KIF6: variants seen among roughly 807,000 people sequenced by gnomAD.
KIF6 encodes the protein kinesin-like protein KIF6.
KIF6 carries 106 observed loss-of-function variants against 112.7 expected under a neutral mutation model. The observed-to-expected ratio is 0.94, with a 90% CI of 0.80 to 1.11. The LOEUF is 1.11. Ranked by LOEUF, KIF6 falls within the 50% of genes least tolerant of loss-of-function variation. The pLI, the probability that KIF6 is intolerant of heterozygous loss-of-function variation, is 0.00. For missense variants in KIF6, 929 were observed against 964.0 expected, an observed-to-expected ratio of 0.96 and a Z score of 0.48; for synonymous variants, 339 against 339.9, an observed-to-expected ratio of 1.00 and a Z score of 0.03.
chr6:39,638,500 A>G (rs534240286), intron 4 of KIF6, among the ~76,000 whole-genome samples: 4 of 152,234 alleles, frequency 2.6e-5, no homozygotes, highest in South Asian at 4.1e-4. Flanking sequence ...TCCAACATAT[A>G]TGCTATACTC....
At chr6:39,711,432 C>T (rs1789554421) in intron 3 of KIF6, among the ~76,000 whole-genome samples, 1 of 152,098 alleles carries the variant, frequency 6.6e-6, no homozygotes, top group South Asian at 2.1e-4. Context: ...TATACCCAGT[C>T]AAATGGCTGG....
chr6:39,454,178 T>C (rs1488707384), intron 13 of KIF6, among the ~76,000 whole-genome samples: 2 of 152,064 alleles, frequency 1.3e-5, no homozygotes, highest in Admixed American at 1.3e-4. Context: ...AAACCTAAAC[T>C]TTAAGCTTCA....
intron 10 of KIF6, among the ~76,000 whole-genome samples, chr6:39,557,734 C>T (rs968228190): frequency 6.6e-6 from 1 of 151,654 alleles, no homozygotes; most frequent in African/African-American, 2.4e-5. Flanking sequence ...TATAGAAAGC[C>T]CATAGAACCT....
chr6:39,570,680 T>G (rs1780592088), intron 10 of KIF6, among the ~76,000 whole-genome samples: 1 of 152,112 alleles, frequency 6.6e-6, no homozygotes, highest in South Asian at 2.1e-4. Flanking sequence ...GCTGTTCTCT[T>G]GATAATGAGT....
intron 3 of KIF6, among the ~76,000 whole-genome samples, chr6:39,678,201 G>A (rs561537831): frequency 5.3e-5 from 8 of 151,730 alleles, no homozygotes; most frequent in Non-Finnish European, 1.2e-4. Flanking sequence ...TACACTGTTG[G>A]TGGGACTGTA....
At chr6:39,720,644 G>A in intron 2 of KIF6, 58 bp downstream of exon 2, 1 of 888,034 alleles carries the variant, frequency 1.1e-6, no homozygotes, top group Non-Finnish European at 1.9e-6. Flanking sequence ...TATTAATGCA[G>A]TACAAGAGTT....
At chr6:39,392,657 A>G (rs1197012634) in intron 15 of KIF6, among the ~76,000 whole-genome samples, 2 of 152,246 alleles carry the variant, frequency 1.3e-5, no homozygotes, top group Admixed American at 1.3e-4. Context: ...AATAAACCCT[A>G]GATGGGGTAA....
chr6:39,512,600 C>T (rs1299323270), intron 13 of KIF6, among the ~76,000 whole-genome samples: 2 of 152,148 alleles, frequency 1.3e-5, no homozygotes, highest in South Asian at 4.1e-4. Flanking sequence ...TCCCTTACTC[C>T]CTCTATGCTG....
At chr6:39,566,408 C>T (rs139237458) in intron 10 of KIF6, among the ~76,000 whole-genome samples, 2,287 of 152,252 alleles carry the variant, frequency 0.015, 31 homozygotes, top group Admixed American at 0.025. Context: ...TTAAAGGTTT[C>T]GGCAAACATC....
chr6:39,548,078 C>T (rs1779159651), intron 10 of KIF6, among the ~76,000 whole-genome samples: 2 of 152,146 alleles, frequency 1.3e-5, no homozygotes, highest in Non-Finnish European at 2.9e-5. Flanking sequence ...TTTCCAGAGT[C>T]CATAAAATTT....
rs569210745 is a variant in KIF6, at chr6:39,367,805, G to T, written c.1862-5287C>A. 1.1e-4 allele frequency among the ~76,000 whole-genome samples: 16 copies of T among 152,264 alleles called. No homozygotes were observed. The East Asian group carries it at 3.1e-3, about 29-fold the overall frequency. Reference sequence around the variant, plus strand: ...CGCTCTCTCTCCCACGCAGTTATCTGATATTTGAAATGTGCAGAATAGTTT... The same window carrying T: ...CGCTCTCTCTCCCACGCAGTTATCTTATATTTGAAATGTGCAGAATAGTTT... On this transcript the variant is annotated intron_variant, in intron 16 of 22. Coordinates refer to ENST00000287152, the MANE Select transcript of KIF6 (RefSeq NM_145027.6).
chr6:39,649,757 GAAAGAAAGAAAGAAAGA>G (rs1561897386), intron 3 of KIF6, among the ~76,000 whole-genome samples: 1,555 of 104,164 alleles, frequency 0.015, 19 homozygotes, highest in Non-Finnish European at 0.019. Context: ...AAGAAAGAAA[GAAAGAAAGAAAGAAAGA>G]AAAGAAACTA....
intron 14 of KIF6, among the ~76,000 whole-genome samples, chr6:39,425,192 T>C (rs906574494): frequency 6.6e-6 from 1 of 152,220 alleles, no homozygotes; most frequent in African/African-American, 2.4e-5. Context: ...GAGATTGCCT[T>C]CTGAGAATGG....
At chr6:39,646,055 C>A (rs1013709425) in intron 3 of KIF6, among the ~76,000 whole-genome samples, 1 of 151,478 alleles carries the variant, frequency 6.6e-6, no homozygotes, top group East Asian at 1.9e-4. Flanking sequence ...ACCAACATGG[C>A]ACATGTATAC....
rs74885746 is a variant in KIF6, at chr6:39,438,916, A to G, written c.1646-7755T>C. 4.5e-3 allele frequency among the ~76,000 whole-genome samples: 689 copies of G among 152,346 alleles called. 28 individuals are homozygous for G. In the East Asian group the frequency reaches 0.095, roughly 21 times the overall value. On this transcript the variant is annotated intron_variant, in intron 13 of 22. Transcript: ENST00000287152. ...TTGTTACTGTACTATTTCTATGTAT[A>G]GACACACAAATGCTTACCATTGTGT...
At chr6:39,482,392 A>G (rs1293902339) in intron 13 of KIF6, among the ~76,000 whole-genome samples, 2 of 152,190 alleles carry the variant, frequency 1.3e-5, no homozygotes, top group Non-Finnish European at 2.9e-5. Context: ...CCAAGAGAAA[A>G]GAGGGCAATA....
At chr6:39,389,245 T>A (rs1767670314) in intron 15 of KIF6, among the ~76,000 whole-genome samples, 1 of 152,166 alleles carries the variant, frequency 6.6e-6, no homozygotes, top group Non-Finnish European at 1.5e-5. Context: ...CCATTTTCCA[T>A]AAGCTTCACA....
intron 3 of KIF6, among the ~76,000 whole-genome samples, chr6:39,700,842 A>G (rs1373410904): frequency 6.6e-6 from 1 of 151,928 alleles, no homozygotes; most frequent in Non-Finnish European, 1.5e-5. Flanking sequence ...CCTCCCGAGT[A>G]GCTGGGACTA....
At chr6:39,725,181 C>T in intron 1 of KIF6, 64 bp downstream of exon 1, 2 of 1,440,366 alleles carry the variant, frequency 1.4e-6, no homozygotes, top group African/African-American at 1.5e-5. Context: ...CCTTCGCGTG[C>T]CGCCGCCCGA....
Sources: allele counts gnomAD v4.1 joint callset (sites outside exome capture counted in the v4.1 genomes callset), GRCh38; gene constraint gnomAD v4.1.1; transcripts MANE v1.5; gene names NCBI Gene and HGNC (gene_info 2026-07-23, HGNC 2026-07-21).